Variants in BLTP3B observed in about 807,000 individuals in gnomAD.
The protein encoded by BLTP3B is UHRF1 (ICBP90) binding protein 1-like.
chr12:100,095,556 GTAC>G, the BLTP3B span: 1 of 1,193,018 alleles, frequency 8.4e-7, no homozygotes, highest in Non-Finnish European at 1.2e-6. Context: ...GAAGATTCTT[GTAC>G]TCAAAACCTC....
At chr12:100,083,187 C>CA in the BLTP3B span, 3 of 1,326,724 alleles carry the variant, frequency 2.3e-6, no homozygotes, top group African/African-American at 4.4e-5. Flanking sequence ...TTTTAACAGT[C>CA]ACTCTTTTAT....
the BLTP3B span, chr12:100,037,671 G>C: frequency 6.2e-7 from 1 of 1,609,966 alleles, no homozygotes; most frequent in South Asian, 1.1e-5. Context: ...TGATGAAGAA[G>C]AGCATCTTTT....
At chr12:100,063,342 G>A in the BLTP3B span, among the ~76,000 whole-genome samples, 1 of 152,084 alleles carries the variant, frequency 6.6e-6, no homozygotes. Context: ...AGACTTGCTG[G>A]GTGGCTAGAT....
At chr12:100,062,287 T>C in the BLTP3B span, among the ~76,000 whole-genome samples, 1 of 152,250 alleles carries the variant, frequency 6.6e-6, no homozygotes, top group South Asian at 2.1e-4. Flanking sequence ...CGTACAAGCA[T>C]TGTTTTGGCT....
the BLTP3B span, among the ~76,000 whole-genome samples, chr12:100,056,314 A>G: frequency 6.6e-6 from 1 of 152,186 alleles, no homozygotes; most frequent in Non-Finnish European, 1.5e-5. Context: ...CCCAGCCTCC[A>G]GAACTGTGAG....
At chr12:100,080,470 G>A in the BLTP3B span, among the ~76,000 whole-genome samples, 10 of 152,028 alleles carry the variant, frequency 6.6e-5, no homozygotes, top group South Asian at 6.2e-4. Context: ...TAACATCAGC[G>A]TGACATGTAT....
chr12:100,106,912 G>A, the BLTP3B span, among the ~76,000 whole-genome samples: 381 of 152,244 alleles, frequency 2.5e-3, 1 homozygote, highest in Non-Finnish European at 3.3e-3. Flanking sequence ...TCAGCATGCA[G>A]TATTTCAACT....
the BLTP3B span, among the ~76,000 whole-genome samples, chr12:100,132,197 A>G: frequency 2.0e-5 from 3 of 152,262 alleles, no homozygotes; most frequent in East Asian, 5.8e-4. Context: ...TTTAAACTGC[A>G]GTACTAAAGC....
the BLTP3B span, among the ~76,000 whole-genome samples, chr12:100,081,222 G>A: frequency 1.3e-5 from 2 of 152,106 alleles, no homozygotes; most frequent in Non-Finnish European, 2.9e-5. Flanking sequence ...GACTAATACA[G>A]AGGAGGAAAA....
At chr12:100,133,445 T>C in the BLTP3B span, among the ~76,000 whole-genome samples, 1 of 152,138 alleles carries the variant, frequency 6.6e-6, no homozygotes. Context: ...TCCTAAGGGA[T>C]ACTACAGCAG....
At chr12:100,121,069 C>G in the BLTP3B span, among the ~76,000 whole-genome samples, 3,165 of 151,846 alleles carry the variant, frequency 0.021, 39 homozygotes, top group African/African-American at 0.031. Context: ...CAAACTAGGC[C>G]GGGCACAGTG....
the BLTP3B span, among the ~76,000 whole-genome samples, chr12:100,126,863 A>G: frequency 6.6e-6 from 1 of 152,198 alleles, no homozygotes. Flanking sequence ...GCAGCCTGCT[A>G]TGTCCTAGGT....
chr12:100,085,704 C>G, the BLTP3B span, among the ~76,000 whole-genome samples: 1 of 152,088 alleles, frequency 6.6e-6, no homozygotes, highest in Non-Finnish European at 1.5e-5. Context: ...TAAATACTAA[C>G]AGAAGGCAAA....
At chr12:100,127,002 T>C in the BLTP3B span, among the ~76,000 whole-genome samples, 10 of 151,808 alleles carry the variant, frequency 6.6e-5, no homozygotes, top group African/African-American at 2.4e-4. Context: ...TGGATAGCTG[T>C]GGTTAAAACT....
At chr12:100,097,616 AT>A in the BLTP3B span, 2 of 1,193,814 alleles carry the variant, frequency 1.7e-6, no homozygotes, top group Admixed American at 2.7e-5. Flanking sequence ...TTCACATGAC[AT>A]TTTAGATATA....
At chr12:100,047,470 G>T in the BLTP3B span, 1 of 1,305,866 alleles carries the variant, frequency 7.7e-7, no homozygotes, top group Non-Finnish European at 1.1e-6. Context: ...TTGCACTCAA[G>T]CCTGGGCAAC....
At chr12:100,071,941 T>G in the BLTP3B span, among the ~76,000 whole-genome samples, 1 of 152,230 alleles carries the variant, frequency 6.6e-6, no homozygotes, top group Non-Finnish European at 1.5e-5. Context: ...ACAAAGTAAG[T>G]TGAATATCTG....
chr12:100,058,983 C>T, the BLTP3B span: 151 of 1,613,944 alleles, frequency 9.4e-5, no homozygotes, highest in East Asian at 1.4e-3. Flanking sequence ...GAGCTTCTTC[C>T]GCTTCAATCG....
At chr12:100,125,247 C>T in the BLTP3B span, among the ~76,000 whole-genome samples, 1 of 149,118 alleles carries the variant, frequency 6.7e-6, no homozygotes, top group Non-Finnish European at 1.5e-5. Context: ...GCAGGAGAAT[C>T]GCTAGAACCC....
Sources: allele counts gnomAD v4.1 joint callset (sites outside exome capture counted in the v4.1 genomes callset), GRCh38; gene constraint gnomAD v4.1.1; transcripts MANE v1.5; gene names NCBI Gene and HGNC (gene_info 2026-07-23, HGNC 2026-07-21).